Variants in ERBB4 observed in about 807,000 individuals in gnomAD.
The protein encoded by ERBB4 is erb-b2 receptor tyrosine kinase 4, also known as receptor tyrosine-protein kinase erbB-4.
Under a neutral mutation model 158.0 loss-of-function variants are expected in ERBB4, and 42 were observed. The ratio of observed to expected loss-of-function variants is 0.27; its 90% CI spans 0.21 to 0.34. The LOEUF (loss-of-function observed/expected upper bound fraction) is 0.34, where lower values mean the gene tolerates loss of function less well. Ranked by LOEUF, ERBB4 falls within the 10% of genes least tolerant of loss-of-function variation. ERBB4 has a pLI of 1.00. For synonymous variants in ERBB4, 583 were observed against 558.7 expected, an observed-to-expected ratio of 1.04 and a Z score of -0.61; for missense variants, 1,333 against 1,624.1, an observed-to-expected ratio of 0.82 and a Z score of 3.08.
chr2:211,720,018 G>A lies in ERBB4; in HGVS notation c.883+2375C>T, dbSNP rs76876355. Among the ~76,000 whole-genome samples, 149 of 152,332 alleles carry A rather than the reference G, an allele frequency of 9.8e-4. 2 individuals are homozygous for A. The East Asian group carries it at 0.027, about 27-fold the overall frequency. On this transcript the variant is annotated intron_variant, in intron 7 of 27. Coordinates refer to ENST00000342788, the MANE Select transcript of ERBB4 (RefSeq NM_005235.3). Reference sequence around the variant, plus strand: ...TTGATGAGAATTTCAGCTGCAGGATGAGTAGAACGGTTGTCAAGGAAAAAC... The same window carrying A: ...TTGATGAGAATTTCAGCTGCAGGATAAGTAGAACGGTTGTCAAGGAAAAAC...
intron 22 of ERBB4, among the ~76,000 whole-genome samples, chr2:211,426,838 A>G (rs991779976): frequency 2.0e-5 from 3 of 151,414 alleles, no homozygotes; most frequent in East Asian, 1.9e-4. Context: ...GACATAATAT[A>G]TATTCTATAA....
At chr2:212,428,828 G>A (rs184107691) in intron 1 of ERBB4, among the ~76,000 whole-genome samples, 2 of 152,196 alleles carry the variant, frequency 1.3e-5, no homozygotes, top group Admixed American at 6.5e-5. Context: ...CTAAGTCTGG[G>A]AAAGGAAGGG....
intron 1 of ERBB4, among the ~76,000 whole-genome samples, chr2:212,305,815 TAAAAG>T (rs2086789666): frequency 6.6e-6 from 1 of 151,408 alleles, no homozygotes; most frequent in African/African-American, 2.4e-5. Flanking sequence ...CCCTGTACAT[TAAAAG>T]AAATGTATCT....
intron 3 of ERBB4, among the ~76,000 whole-genome samples, chr2:211,836,160 A>G (rs1056166688): frequency 1.3e-5 from 2 of 152,224 alleles, no homozygotes; most frequent in African/African-American, 4.8e-5. Context: ...GAAGTGAGTT[A>G]ACGATGGAAA....
intron 2 of ERBB4, among the ~76,000 whole-genome samples, chr2:211,996,204 A>C (rs985535945): frequency 1.3e-5 from 2 of 152,152 alleles, no homozygotes; most frequent in Non-Finnish European, 2.9e-5. Flanking sequence ...ATTTTTTTAT[A>C]GAATTTTGTC....
chr2:212,068,049 T>A (rs2077996674), intron 2 of ERBB4, among the ~76,000 whole-genome samples: 1 of 152,050 alleles, frequency 6.6e-6, no homozygotes, highest in South Asian at 2.1e-4. Context: ...TTGATTTTAA[T>A]TGGTTCAGTT....
chr2:212,525,219 A>T (rs1692386203), intron 1 of ERBB4, among the ~76,000 whole-genome samples: 1 of 151,842 alleles, frequency 6.6e-6, no homozygotes, highest in African/African-American at 2.4e-5. Context: ...CAGTAAAGTT[A>T]TTTTTTTTCA....
chr2:211,934,147 A>G (rs1184959079), intron 3 of ERBB4, among the ~76,000 whole-genome samples: 15 of 152,006 alleles, frequency 9.9e-5, no homozygotes, highest in Admixed American at 9.8e-4. Context: ...TAATTATTAA[A>G]ACTAAAATAT....
rs995980518 is a variant in ERBB4 at position 212,350,011 on chromosome 2, G to GA, written c.82+188437dup. Among the ~76,000 whole-genome samples, 5 of 151,902 alleles carry GA rather than the reference G, an allele frequency of 3.3e-5. No individual in the cohort carries two copies. In the South Asian group the frequency reaches 8.3e-4, roughly 25 times the overall value. On this transcript the variant is annotated intron_variant, in intron 1 of 27. Coordinates refer to ENST00000342788, the MANE Select transcript of ERBB4 (RefSeq NM_005235.3). The stretch of plus-strand genomic sequence containing the variant: ...AAAGGTAAATATAGTTCCTTCCACA[G>GA]AAAAAACTTTTAAAGAGGAATTTTA...
intron 1 of ERBB4, among the ~76,000 whole-genome samples, chr2:212,499,091 A>G (rs1485272606): frequency 6.6e-6 from 1 of 152,016 alleles, no homozygotes; most frequent in Admixed American, 6.6e-5. Flanking sequence ...TTCCTGAATT[A>G]TTCAGATTAT....
intron 1 of ERBB4, among the ~76,000 whole-genome samples, chr2:212,517,739 T>C (rs1275689261): frequency 2.0e-5 from 3 of 152,070 alleles, no homozygotes; most frequent in Non-Finnish European, 4.4e-5. Context: ...GTCACTGACA[T>C]AATACAGCTA....
intron 1 of ERBB4, among the ~76,000 whole-genome samples, chr2:212,471,377 A>T (rs557676314): frequency 4.7e-4 from 72 of 152,024 alleles, no homozygotes; most frequent in Non-Finnish European, 7.7e-4. Flanking sequence ...CAACTAGACA[A>T]ATAGAAATCC....
chr2:211,585,375 T>C (rs2068244912), intron 19 of ERBB4, among the ~76,000 whole-genome samples: 1 of 149,084 alleles, frequency 6.7e-6, no homozygotes, highest in Non-Finnish European at 1.5e-5. Flanking sequence ...AAGACTTCCT[T>C]AGGCTTAGAA....
intron 1 of ERBB4, among the ~76,000 whole-genome samples, chr2:212,449,798 C>T (rs182217795): frequency 6.6e-6 from 1 of 152,010 alleles, no homozygotes; most frequent in African/African-American, 2.4e-5. Flanking sequence ...GATAAACACC[C>T]CCTACTATCA....
At chr2:211,504,819 G>A (rs1018621218) in intron 20 of ERBB4, among the ~76,000 whole-genome samples, 1 of 152,098 alleles carries the variant, frequency 6.6e-6, no homozygotes, top group African/African-American at 2.4e-5. Context: ...ACAGTTGAAA[G>A]CTTCAACAAT....
intron 20 of ERBB4, among the ~76,000 whole-genome samples, chr2:211,432,876 T>C (rs2125435339): frequency 6.6e-6 from 1 of 152,248 alleles, no homozygotes; most frequent in Admixed American, 6.5e-5. Context: ...AGTGGGCGGA[T>C]AGGGAATAAA....
intron 3 of ERBB4, among the ~76,000 whole-genome samples, chr2:211,822,170 G>A (rs554482367): frequency 6.6e-6 from 1 of 151,772 alleles, no homozygotes; most frequent in Non-Finnish European, 1.5e-5. Context: ...GAGGGATGAG[G>A]AGAGATTTGT....
chr2:212,342,922 G>T (rs182987292), intron 1 of ERBB4, among the ~76,000 whole-genome samples: 3 of 152,138 alleles, frequency 2.0e-5, no homozygotes, highest in African/African-American at 7.2e-5. Context: ...CCATTTATGT[G>T]TTCTCTTTTA....
At chr2:211,781,397 TC>T (rs2076033086) in intron 4 of ERBB4, among the ~76,000 whole-genome samples, 1 of 152,188 alleles carries the variant, frequency 6.6e-6, no homozygotes, top group South Asian at 2.1e-4. Flanking sequence ...ATTCCCCCTC[TC>T]CCACTTCAGT....
Sources: gnomAD v4.1 joint callset for allele counts (sites outside exome capture counted in the v4.1 genomes callset) on GRCh38, gnomAD v4.1.1 for gene constraint, MANE v1.5 for transcripts, NCBI Gene and HGNC (gene_info 2026-07-23, HGNC 2026-07-21) for gene names.